AGO2: variants seen among roughly 807,000 people sequenced by gnomAD.
The protein encoded by AGO2 is argonaute RISC catalytic component 2.
A neutral mutation model predicts 102.3 loss-of-function variants in AGO2; 5 were observed. The ratio of observed to expected loss-of-function variants is 0.05; its 90% CI spans 0.03 to 0.10. AGO2 has a LOEUF of 0.10. Ranked by LOEUF, AGO2 falls within the 10% of genes least tolerant of loss-of-function variation. The pLI is 1.00. For synonymous variants in AGO2, 449 were observed against 473.1 expected, an observed-to-expected ratio of 0.95 and a Z score of 0.66; for missense variants, 541 against 1,183.7, an observed-to-expected ratio of 0.46 and a Z score of 7.97.
chr8:140,598,417 G>C (rs1205444343), intron 1 of AGO2, among the ~76,000 whole-genome samples: 2 of 152,250 alleles, frequency 1.3e-5, no homozygotes. Context: ...CTGCTTCGCA[G>C]CCATCTTTCC....
At chr8:140,556,324 A>G (rs758914611) in intron 8 of AGO2, 38 bp from the exon 9 acceptor site, 2 of 1,610,004 alleles carry the variant, frequency 1.2e-6, no homozygotes, top group African/African-American at 2.7e-5. Flanking sequence ...TCAGTGCCGC[A>G]CTGGAGTGAC....
At chr8:140,575,573 A>G (rs1026911458) in intron 2 of AGO2, among the ~76,000 whole-genome samples, 1 of 152,206 alleles carries the variant, frequency 6.6e-6, no homozygotes, top group African/African-American at 2.4e-5. Flanking sequence ...TTCTGGCCTA[A>G]TTCAAACCTG....
chr8:140,553,414 T>G (rs1179840160), intron 10 of AGO2, among the ~76,000 whole-genome samples: 12 of 150,068 alleles, frequency 8.0e-5, no homozygotes, highest in East Asian at 5.8e-4. Context: ...GTTTTTTGTT[T>G]TTTTTTTTTT....
intron 12 of AGO2, among the ~76,000 whole-genome samples, chr8:140,548,473 A>AC (rs1310981172): frequency 3.3e-5 from 5 of 151,720 alleles, no homozygotes; most frequent in Non-Finnish European, 7.4e-5. Flanking sequence ...CCACGGACCC[A>AC]CCCCCCGCTA....
At position 140,572,800 on chromosome 8, in the gene AGO2, C is replaced by A. The variant is rs769318906; in HGVS notation, c.336+12G>T. The A allele has an allele frequency of 2.5e-6, 4 of 1,607,596 alleles. No homozygotes were observed. In the South Asian group the frequency reaches 4.5e-5, roughly 18 times the overall value. On this transcript the variant is annotated intron_variant, in intron 3 of 18. Transcript: ENST00000220592. ...GTATGTTACTCCACCAAGGGCATCCCGGCGAGCTTACCTTGTCCCTCCCAA... is the reference window on the plus strand; with the variant it reads ...GTATGTTACTCCACCAAGGGCATCCAGGCGAGCTTACCTTGTCCCTCCCAA...
At chr8:140,573,080 G>A in intron 2 of AGO2, 148 bp from the exon 3 acceptor site, 3 of 920,868 alleles carry the variant, frequency 3.3e-6, no homozygotes, top group East Asian at 3.0e-5. Context: ...CGTGATCTCA[G>A]CTCACTGCAA....
At chr8:140,533,580 G>C (rs1418273061) in intron 17 of AGO2, among the ~76,000 whole-genome samples, 1 of 152,092 alleles carries the variant, frequency 6.6e-6, no homozygotes, top group Non-Finnish European at 1.5e-5. Context: ...GCCGAGGCGG[G>C]CAGAACACCT....
At chr8:140,549,523 G>A (rs2072959293) in intron 11 of AGO2, among the ~76,000 whole-genome samples, 1 of 152,266 alleles carries the variant, frequency 6.6e-6, no homozygotes, top group African/African-American at 2.4e-5. Context: ...CATGTAACAT[G>A]TAAGTGCACT....
chr8:140,555,965 C>G lies in AGO2; in HGVS notation c.1200G>C (p.Met400Ile), dbSNP rs2073088401. ...TCACGTCTGTCATCTCATCTTTGAC[C>G]ATGATTCCAAATTCACGGACGTATG... ...TDPYVREFGI[M>I]VKDEMTDVTG... Residue 400 changes from methionine (M) to isoleucine (I), a missense_variant, in exon 10 of 19, where the codon ATG becomes ATC. Met to Ile is a conservative substitution (Grantham distance 10). This residue lies in a region of AGO2 where 309 missense variants were observed against 735.1 expected (regional missense o/e 0.42). Coordinates refer to ENST00000220592, the MANE Select transcript of AGO2 (RefSeq NM_012154.5). 3 of 1,614,228 alleles carry G rather than the reference C, an allele frequency of 1.9e-6. No homozygotes were observed. The highest frequency in any genetic ancestry group is 2.5e-6 in the Non-Finnish European group (3 of 1,180,040).
At chr8:140,549,056 C>T (rs900177939) in intron 12 of AGO2, 58 bp downstream of exon 12, 1 of 1,531,222 alleles carries the variant, frequency 6.5e-7, no homozygotes, top group Non-Finnish European at 8.8e-7. Flanking sequence ...TAGGCAGGAA[C>T]AAACACCCAC....
Position 140,565,290 on chromosome 8 carries a change from T to G in AGO2, c.337-2656A>C, listed in dbSNP as rs578071550. 7.5e-5 allele frequency among the ~76,000 whole-genome samples: 11 copies of G among 145,766 alleles called. No individual in the cohort carries two copies. The East Asian group carries it at 2.3e-3, about 30-fold the overall frequency. On this transcript the variant is annotated intron_variant, in intron 3 of 18. Coordinates refer to ENST00000220592, the MANE Select transcript of AGO2 (RefSeq NM_012154.5). The stretch of plus-strand genomic sequence containing the variant: ...CTGTCTCTACTAAAAATACAAAAAA[T>G]TAGCCGGGCGTGGTGGCGGGCGCCT...
chr8:140,576,865 T>C, intron 2 of AGO2, among the ~76,000 whole-genome samples: 1 of 152,016 alleles, frequency 6.6e-6, no homozygotes, highest in East Asian at 1.9e-4. Context: ...ACCCGCACAA[T>C]GCAATACTTG....
intron 1 of AGO2, among the ~76,000 whole-genome samples, chr8:140,618,401 A>T (rs980836293): frequency 2.6e-5 from 4 of 152,140 alleles, no homozygotes; most frequent in Admixed American, 2.6e-4. Flanking sequence ...AGGCAGGAGA[A>T]ACACTTGAAT....
intron 10 of AGO2, among the ~76,000 whole-genome samples, chr8:140,554,680 A>G (rs1025104989): frequency 6.6e-6 from 1 of 151,890 alleles, no homozygotes; most frequent in Non-Finnish European, 1.5e-5. Context: ...TAAAAAACAG[A>G]ACTGTTTTTT....
chr8:140,578,991 C>T (rs2073509540), intron 2 of AGO2, among the ~76,000 whole-genome samples: 1 of 152,196 alleles, frequency 6.6e-6, no homozygotes, highest in East Asian at 1.9e-4. Context: ...TACATTCTCA[C>T]CAAAAGTTTC....
At chr8:140,570,069 C>G (rs1276614941) in intron 3 of AGO2, among the ~76,000 whole-genome samples, 1 of 152,280 alleles carries the variant, frequency 6.6e-6, no homozygotes, top group Non-Finnish European at 1.5e-5. Context: ...CTTACGCAGG[C>G]TCTCACACAG....
chr8:140,586,221 AGTG>A (rs2073652555), intron 1 of AGO2, among the ~76,000 whole-genome samples: 2 of 152,248 alleles, frequency 1.3e-5, no homozygotes, highest in African/African-American at 4.8e-5. Flanking sequence ...GGCTGGGTGC[AGTG>A]GCTCACACCT....
At chr8:140,586,391 G>T (rs371395703) in intron 1 of AGO2, among the ~76,000 whole-genome samples, 5 of 152,224 alleles carry the variant, frequency 3.3e-5, no homozygotes, top group East Asian at 1.9e-4. Flanking sequence ...TACTCAGGAG[G>T]CTGAGGCAGG....
intron 1 of AGO2, among the ~76,000 whole-genome samples, chr8:140,616,422 C>T (rs182182937): frequency 2.6e-5 from 4 of 152,254 alleles, no homozygotes; most frequent in Admixed American, 6.5e-5. Context: ...ATTATGACAA[C>T]GACAACAATT....
Sources: allele counts gnomAD v4.1 joint callset (sites outside exome capture counted in the v4.1 genomes callset), GRCh38; gene constraint gnomAD v4.1.1; regional missense constraint gnomAD v4.1.1; transcripts MANE v1.5; gene names NCBI Gene and HGNC (gene_info 2026-07-23, HGNC 2026-07-21).